TBXT: variants seen among roughly 807,000 people sequenced by gnomAD.
TBXT encodes the protein T brachyury transcription factor.
TBXT carries 19 observed loss-of-function variants against 41.1 expected under a neutral mutation model. The observed-to-expected ratio is 0.46, with a 90% CI of 0.32 to 0.68. The LOEUF (loss-of-function observed/expected upper bound fraction) is 0.68, where lower values mean the gene tolerates loss of function less well. Ranked by LOEUF, TBXT falls within the 30% of genes least tolerant of loss-of-function variation. TBXT has a pLI of 0.03. For synonymous variants in TBXT, 213 were observed against 238.9 expected (o/e 0.89, Z 1.00); for missense variants, 536 against 582.0 (o/e 0.92, Z 0.81).
chr6:166,167,473 C>A lies in TBXT; in HGVS notation c.119G>T (p.Arg40Leu), dbSNP rs1478451925. Residue 40 changes from arginine (R) to leucine (L), a missense_variant, in exon 1 of 8, where the codon CGC becomes CTC. By Grantham distance (102) the Arg-to-Leu change is moderately radical. Coordinates refer to ENST00000366876, the MANE Select transcript of TBXT (RefSeq NM_001366285.2). ...CTCCTCCAGGCCCACGCGCAGTTCG[C>A]GCTCTGTGGGGTCGCCCTTCTCGCT... ...AGSEKGDPTE[R>L]ELRVGLEESE... 6 of 1,612,088 alleles carry A rather than the reference C, an allele frequency of 3.7e-6. No homozygotes were observed. Among genetic ancestry groups the A allele is most frequent in the Non-Finnish European group, 5.1e-6 (6 of 1,179,938 alleles).
At chr6:166,165,489 T>C (rs775648404) in intron 3 of TBXT, among the ~76,000 whole-genome samples, 3 of 152,224 alleles carry the variant, frequency 2.0e-5, no homozygotes, top group Non-Finnish European at 2.9e-5. Flanking sequence ...TTTAAACACT[T>C]GTATGGAGAA....
Position 166,162,456 on chromosome 6 carries a change from T to C in TBXT, c.898A>G (p.Asn300Asp), listed in dbSNP as rs757674783. 4.3e-6 allele frequency: 7 copies of C among 1,614,106 alleles called. No homozygotes were observed. The highest frequency in any genetic ancestry group is 5.9e-6 in the Non-Finnish European group (7 of 1,180,018). The part of the protein sequence containing the change: ...PYPSPYAHRN[N>D]SPTYSDNSPA... The stretch of plus-strand genomic sequence containing the variant: ...GAGGCTGAGGACTCACTTGGAGAAT[T>C]GTTCCGATGAGCATAGGGGCTGGGG... Residue 300 changes from asparagine (N) to aspartate (D), a missense_variant, in exon 6 of 8, where the codon AAT becomes GAT. Asn to Asp is a conservative substitution (Grantham distance 23). Transcript: ENST00000366876.
At chr6:166,167,008 G>C in intron 1 of TBXT, 152 bp from the exon 2 acceptor site, 8 of 1,364,622 alleles carry the variant, frequency 5.9e-6, no homozygotes, top group Non-Finnish European at 8.1e-6. Context: ...CCTTCCCCGA[G>C]CCCTGCCAGG....
intron 7 of TBXT, among the ~76,000 whole-genome samples, chr6:166,160,009 G>A (rs1229359066): frequency 6.6e-6 from 1 of 152,152 alleles, no homozygotes; most frequent in African/African-American, 2.4e-5. Context: ...TAAGATCGCA[G>A]GCATATTTTG....
chr6:166,160,274 T>A lies in TBXT; in HGVS notation c.1037+563A>T, dbSNP rs563689006. ...TTGCAAGTTGGTAACAAAATAGTCA[T>A]CATTGTTTACCAGTTACCTAGCACA... On this transcript the variant is annotated intron_variant, in intron 7 of 7. Transcript: ENST00000366876. 7.5e-4 allele frequency among the ~76,000 whole-genome samples: 114 copies of A among 152,312 alleles called. 1 individual carries two copies. The highest frequency in any genetic ancestry group is 8.1e-4 in the Non-Finnish European group (55 of 68,022).
At chr6:166,161,162 TTGAAAACATACCC>T (rs1251686505) in intron 6 of TBXT, among the ~76,000 whole-genome samples, 196 bp from the exon 7 acceptor site, 1 of 152,224 alleles carries the variant, frequency 6.6e-6, no homozygotes, top group Non-Finnish European at 1.5e-5. Context: ...ATATATGTAT[TTGAAAACATACCC>T]TGGTAAACCC....
chr6:166,162,711 C>T lies in TBXT; in HGVS notation c.731-88G>A, dbSNP rs150748378. On this transcript the variant is annotated intron_variant, in intron 5 of 7. Transcript: ENST00000366876. The stretch of plus-strand genomic sequence containing the variant: ...GAGCCCAGGCCAGGGACTGTCCCTC[C>T]ATCACTCCAGAGAGCAGAGCCCAGG... The T allele has an allele frequency of 1.8e-3, 1,970 of 1,082,012 alleles. 43 individuals are homozygous for T. In the African/African-American group the frequency reaches 0.026, roughly 14 times the overall value. 67.0% of individuals were successfully genotyped at this position (1,082,012 alleles called of 1,614,324 possible). A position where few individuals can be genotyped will look rare whatever the true frequency, so the allele number is the denominator to read the frequency against.
In TBXT at chr6:166,158,150, G is replaced by T; in HGVS notation, c.*165C>A. 9.3e-7 allele frequency: 1 copy of T among 1,071,752 alleles called. No individual in the cohort carries two copies. Among genetic ancestry groups the T allele is most frequent in the East Asian group, 2.5e-5 (1 of 40,558 alleles). 66.4% of individuals were successfully genotyped at this position (1,071,752 alleles called of 1,614,324 possible). ...TGAGCAAGGGATGCTGGGGCTCTGG[G>T]GAAAGGTGCCGTGTGCTCCTCCACT... is the stretch of plus-strand genomic sequence containing the variant. On this transcript the variant is annotated 3_prime_UTR_variant, in exon 8 of 8. Transcript: ENST00000366876.
chr6:166,158,374 C>G lies in TBXT; in HGVS notation c.1252G>C (p.Ala418Pro). The G allele has an allele frequency of 6.2e-7, 1 of 1,614,186 alleles. No homozygotes were observed. Among genetic ancestry groups the G allele is most frequent in the Non-Finnish European group, 8.5e-7 (1 of 1,180,036 alleles). Residue 418 changes from alanine to proline, a missense_variant, in exon 8 of 8, where the codon GCC (alanine) becomes CCC (proline). Ala to Pro is a conservative substitution (Grantham distance 27). Coordinates refer to ENST00000366876, the MANE Select transcript of TBXT (RefSeq NM_001366285.2). ...GCTATGAGGCGGCCTTGGGCTGCGGCGTCGTACTGGCTGTCCACGATGTCT... is the reference window on the plus strand; with the variant it reads ...GCTATGAGGCGGCCTTGGGCTGCGGGGTCGTACTGGCTGTCCACGATGTCT... ...ATDIVDSQYD[A>P]AAQGRLIASW...
chr6:166,166,447 C>T (rs575550061), intron 2 of TBXT, 145 bp downstream of exon 2: 1 of 1,287,292 alleles, frequency 7.8e-7, no homozygotes, highest in Non-Finnish European at 1.1e-6. Flanking sequence ...GCGCTAAAGG[C>T]CTTATTAGAG....
At chr6:166,165,627 C>A in intron 3 of TBXT, 79 bp downstream of exon 3, 1 of 1,609,774 alleles carries the variant, frequency 6.2e-7, no homozygotes, top group Non-Finnish European at 8.5e-7. Context: ...GCGCGTCTCC[C>A]CGCTCCTCCA....
chr6:166,167,515 T>G lies in TBXT; in HGVS notation c.77A>C (p.Asn26Thr). 1 of 1,606,274 alleles carries G rather than the reference T, an allele frequency of 6.2e-7. No individual in the cohort carries two copies. The highest frequency in any genetic ancestry group is 8.5e-7 in the Non-Finnish European group (1 of 1,179,290). The change falls in exon 1 of 8, where the codon AAT becomes ACT. Residue 26 changes from asparagine (N) to threonine (T), a missense_variant. Coordinates refer to ENST00000366876, the MANE Select transcript of TBXT (RefSeq NM_001366285.2). Reference protein sequence around the residue: ...RVDHLLSAVENELQAGSEKGD... With the variant: ...RVDHLLSAVETELQAGSEKGD... ...CTTCTCGCTGCCCGCCTGCAGCTCA[T>G]TCTCCACGGCGCTCAGCAGGTGGTC...
chr6:166,160,520 T>C (rs1778921686), intron 7 of TBXT, among the ~76,000 whole-genome samples: 1 of 151,950 alleles, frequency 6.6e-6, no homozygotes, highest in Admixed American at 6.6e-5. Context: ...GACTTGTCCA[T>C]CACGTGAACC....
rs77513171 is a variant in TBXT at position 166,160,589 on chromosome 6, C to T, written c.1037+248G>A. Among the ~76,000 whole-genome samples the T allele has an allele frequency of 1.6e-3, 236 of 152,256 alleles. 8 individuals are homozygous for T. The East Asian group carries it at 0.035, about 23-fold the overall frequency. On this transcript the variant is annotated intron_variant, in intron 7 of 7. Transcript: ENST00000366876. Reference sequence around the variant, plus strand: ...TTCATTCAGGGATGGGATAGCGCAGCTCCCATTCCACACCTGGGTTGTAAA... The same window carrying T: ...TTCATTCAGGGATGGGATAGCGCAGTTCCCATTCCACACCTGGGTTGTAAA...
In TBXT at chr6:166,165,884, G is replaced by T. The variant is rs754177141; in HGVS notation, c.472-44C>A. 1.3e-5 allele frequency: 21 copies of T among 1,613,048 alleles called. No individual in the cohort carries two copies. In the Admixed American group the frequency reaches 3.2e-4, roughly 24 times the overall value. On this transcript the variant is annotated intron_variant, in intron 2 of 7. Transcript: ENST00000366876. Reference sequence around the variant, plus strand: ...GGATTGGTGGCACTGAAAGGCCTGCGTTAAAACAGCAAAACATCCATTTCT... The same window carrying T: ...GGATTGGTGGCACTGAAAGGCCTGCTTTAAAACAGCAAAACATCCATTTCT...
rs189832794 is a variant in TBXT at position 166,162,440 on chromosome 6, G to A, written c.907+7C>T. The stretch of plus-strand genomic sequence containing the variant: ...CAACCCCTGGCAGAATGAGGCTGAG[G>A]ACTCACTTGGAGAATTGTTCCGATG... On this transcript the variant is annotated splice_region_variant and intron_variant, in intron 6 of 7. Transcript: ENST00000366876. The A allele has an allele frequency of 3.5e-4, 558 of 1,614,128 alleles. 4 individuals are homozygous for A. The African/African-American group carries it at 6.2e-3, about 18-fold the overall frequency.
upstream of TBXT, among the ~76,000 whole-genome samples, chr6:166,168,073 C>T (rs1359482112): frequency 6.6e-6 from 1 of 152,088 alleles, no homozygotes; most frequent in South Asian, 2.1e-4. Context: ...CTGCGAGCCC[C>T]GGCCCAGCCC....
chr6:166,165,042 T>A (rs1440086648), intron 3 of TBXT, among the ~76,000 whole-genome samples, 181 bp from the exon 4 acceptor site: 1 of 152,242 alleles, frequency 6.6e-6, no homozygotes. Context: ...CAGAGTAGCA[T>A]GCTTATGAAA....
Position 166,162,494 on chromosome 6 carries a change from C to G in TBXT, c.860G>C (p.Arg287Pro), listed in dbSNP as rs527987217. ...ATAGGGGCTGGGGTAGGGTGAGGAC[C>G]GGTGGCTCCTCAGGGTTGGGTACCT... ...CDRYPTLRSH[R>P]SSPYPSPYAH... Residue 287 changes from arginine (R) to proline (P), a missense_variant, in exon 6 of 8, where the codon CGG (arginine) becomes CCG (proline). Transcript: ENST00000366876. 6.2e-7 allele frequency: 1 copy of G among 1,613,980 alleles called. No individual in the cohort carries two copies. Among genetic ancestry groups the G allele is most frequent in the Admixed American group, 1.7e-5 (1 of 60,002 alleles).
Sources: gnomAD v4.1 joint callset for allele counts (sites outside exome capture counted in the v4.1 genomes callset) on GRCh38, gnomAD v4.1.1 for gene constraint, MANE v1.5 for transcripts, NCBI Gene and HGNC (gene_info 2026-07-23, HGNC 2026-07-21) for gene names.